CNTNAP3B: variants seen among roughly 807,000 people sequenced by gnomAD.
CNTNAP3B encodes the protein contactin-associated protein-like 3B.
CNTNAP3B carries 25 observed loss-of-function variants against 108.9 expected under a neutral mutation model. The ratio of observed to expected loss-of-function variants is 0.23; its 90% confidence interval spans 0.17 to 0.32. The LOEUF is 0.32. CNTNAP3B is among the 10% of genes least tolerant of loss of function. The pLI, the probability that CNTNAP3B is intolerant of heterozygous loss-of-function variation, is 1.00. For missense variants in CNTNAP3B, 252 were observed against 1,210.4 expected (o/e 0.21, Z 11.75); for synonymous variants, 103 against 473.4 (o/e 0.22, Z 10.16).
chr9:42,070,823 G>A (rs1827360991), intron 3 of CNTNAP3B, among the ~76,000 whole-genome samples: 1 of 151,986 alleles, frequency 6.6e-6, no homozygotes, highest in Non-Finnish European at 1.5e-5. Context: ...TAACAATTAG[G>A]AACAAATACA....
intron 13 of CNTNAP3B, among the ~76,000 whole-genome samples, chr9:41,943,121 G>T (rs1271700716): frequency 1.3e-5 from 2 of 152,288 alleles, no homozygotes; most frequent in Admixed American, 1.3e-4. Context: ...AGAAGAGATA[G>T]GTACTATAAA....
intron 3 of CNTNAP3B, among the ~76,000 whole-genome samples, chr9:42,044,878 C>A (rs1826839863): frequency 8.7e-6 from 1 of 115,324 alleles, no homozygotes; most frequent in South Asian, 2.7e-4. Context: ...CAATATAAAA[C>A]CTTGAGCAAG....
chr9:41,940,796 CAG>C (rs1275823315), intron 13 of CNTNAP3B, among the ~76,000 whole-genome samples: 1 of 152,198 alleles, frequency 6.6e-6, no homozygotes, highest in Non-Finnish European at 1.5e-5. Flanking sequence ...GCCAGGGCGA[CAG>C]AGTGAGACTC....
In CNTNAP3B at chr9:42,104,780, G is replaced by A. The variant is rs1349201101; in HGVS notation, c.86-41C>T. 3.1e-6 allele frequency: 2 copies of A among 650,342 alleles called. 1 individual carries two copies. Among genetic ancestry groups the A allele is most frequent in the East Asian group, 1.2e-4 (2 of 16,602 alleles). 40.3% of individuals were successfully genotyped at this position (650,342 alleles called of 1,614,324 possible). A position where few individuals can be genotyped will look rare whatever the true frequency, so the allele number is the denominator to read the frequency against. On this transcript the variant is annotated intron_variant, in intron 1 of 23. Coordinates refer to ENST00000377561, the MANE Select transcript of CNTNAP3B (RefSeq NM_001201380.3). ...CCGTGATATGGTTAACACTCAGATT[G>A]CAGCTTGGGAGAAATAATAGTCCAA... is the stretch of plus-strand genomic sequence containing the variant.
At chr9:42,112,484 A>G (rs1177423464) in intron 1 of CNTNAP3B, among the ~76,000 whole-genome samples, 1 of 138,966 alleles carries the variant, frequency 7.2e-6, no homozygotes, top group Non-Finnish European at 1.5e-5. Context: ...GGTGAGGAAG[A>G]GAGACTGGCA....
chr9:41,943,455 C>T (rs1824425442), intron 13 of CNTNAP3B, among the ~76,000 whole-genome samples: 1 of 151,718 alleles, frequency 6.6e-6, no homozygotes, highest in Non-Finnish European at 1.5e-5. Flanking sequence ...TGGGTTCACG[C>T]CATTCTCCTG....
intron 11 of CNTNAP3B, among the ~76,000 whole-genome samples, chr9:41,961,971 T>A (rs1346999211): frequency 2.6e-5 from 4 of 152,306 alleles, no homozygotes; most frequent in Non-Finnish European, 4.4e-5. Context: ...TAGGATTCAC[T>A]CAAATTAATA....
At position 42,107,582 on chromosome 9, in the gene CNTNAP3B, G is replaced by A. The variant is rs1397685549; in HGVS notation, c.86-2843C>T. Among the ~76,000 whole-genome samples the A allele has an allele frequency of 1.3e-4, 16 of 122,926 alleles. 1 individual carries two copies. The highest frequency in any genetic ancestry group is 4.2e-4 in the Admixed American group (5 of 11,948). The allele number at this position is 122,926 out of a possible 152,430, so 80.6% of individuals were successfully genotyped here. On this transcript the variant is annotated intron_variant, in intron 1 of 23. Coordinates refer to ENST00000377561, the MANE Select transcript of CNTNAP3B (RefSeq NM_001201380.3). ...CAAAATTGCTGAAATTTTCCATTTC[G>A]CCTTTGGAAAATTCAAGAGTCAATA... is the stretch of plus-strand genomic sequence containing the variant.
At chr9:42,002,511 G>T (rs1275079942) in intron 4 of CNTNAP3B, among the ~76,000 whole-genome samples, 4 of 106,018 alleles carry the variant, frequency 3.8e-5, no homozygotes, top group Non-Finnish European at 5.9e-5. Flanking sequence ...TGCAGATAAA[G>T]AACTTTGTCA....
chr9:41,942,254 T>A (rs1490490401), intron 13 of CNTNAP3B, among the ~76,000 whole-genome samples: 2 of 152,374 alleles, frequency 1.3e-5, no homozygotes, highest in South Asian at 4.1e-4. Flanking sequence ...GGCGGGCAGA[T>A]CATGAGGTCA....
At chr9:41,928,629 C>T (rs1285704499) in intron 15 of CNTNAP3B, among the ~76,000 whole-genome samples, 1 of 152,292 alleles carries the variant, frequency 6.6e-6, no homozygotes, top group African/African-American at 2.4e-5. Context: ...GTAGCCCCCA[C>T]ACATTGAGGT....
intron 18 of CNTNAP3B, among the ~76,000 whole-genome samples, chr9:41,918,138 G>C (rs1406011968): frequency 6.6e-6 from 1 of 150,600 alleles, no homozygotes; most frequent in South Asian, 2.1e-4. Context: ...AGAGTACCAG[G>C]TTTTTTATTT....
chr9:41,965,326 G>A (rs1293961883), intron 10 of CNTNAP3B, among the ~76,000 whole-genome samples: 267 of 151,878 alleles, frequency 1.8e-3, no homozygotes, highest in Middle Eastern at 6.8e-3. Flanking sequence ...AAAAAGAACA[G>A]TTGGAGGTCT....
chr9:42,097,113 T>A (rs893481342), intron 2 of CNTNAP3B, among the ~76,000 whole-genome samples: 1 of 139,600 alleles, frequency 7.2e-6, no homozygotes, highest in Non-Finnish European at 1.5e-5. Context: ...GGATCCAATA[T>A]CTGCTTCTCT....
intron 13 of CNTNAP3B, among the ~76,000 whole-genome samples, chr9:41,942,898 C>A (rs1474194159): frequency 5.3e-5 from 8 of 152,224 alleles, no homozygotes; most frequent in Non-Finnish European, 4.4e-5. Context: ...TAAAACCTTA[C>A]ATTAAAGGCT....
chr9:42,118,637 A>G lies in CNTNAP3B; in HGVS notation c.85+10373T>C, dbSNP rs1388405969. ...GGCACAAGACAGGATGCCCTCTCTC[A>G]CCACTCCTATTCAACATAGTGTTGG... is the stretch of plus-strand genomic sequence containing the variant. On this transcript the variant is annotated intron_variant, in intron 1 of 23. Transcript: ENST00000377561. Among the ~76,000 whole-genome samples, 4 of 114,628 alleles carry G rather than the reference A, an allele frequency of 3.5e-5. 1 individual carries two copies. The highest frequency in any genetic ancestry group is 7.2e-5 in the Non-Finnish European group (4 of 55,238). The allele number at this position is 114,628 out of a possible 152,430, so 75.2% of individuals were successfully genotyped here.
At chr9:41,989,849 G>A (rs556874294) in intron 8 of CNTNAP3B, among the ~76,000 whole-genome samples, 15 of 148,796 alleles carry the variant, frequency 1.0e-4, no homozygotes, top group South Asian at 6.4e-4. Flanking sequence ...GGAGTTTAAC[G>A]TAGGTGCCTG....
intron 1 of CNTNAP3B, among the ~76,000 whole-genome samples, chr9:42,118,588 C>T (rs1448019531): frequency 1.6e-5 from 2 of 124,198 alleles, no homozygotes; most frequent in East Asian, 5.4e-4. Context: ...TGGACAAAAA[C>T]TGGAAGCATT....
rs1244384001 is a variant in CNTNAP3B, at chr9:42,099,816, C to CA, written c.196+4812dup. 4.8e-5 allele frequency among the ~76,000 whole-genome samples: 4 copies of CA among 82,982 alleles called. 1 individual carries two copies. Among genetic ancestry groups the CA allele is most frequent in the African/African-American group, 1.8e-4 (4 of 22,360 alleles). The allele number at this position is 82,982 out of a possible 152,430, so 54.4% of individuals were successfully genotyped here. A position where few individuals can be genotyped will look rare whatever the true frequency, so the allele number is the denominator to read the frequency against. ...CATGAAAACACACGGGTTATCCTTGCAAAAAAGCATATATATTTTTTAATT... is the reference window on the plus strand; with the variant it reads ...CATGAAAACACACGGGTTATCCTTGCAAAAAAAGCATATATATTTTTTAATT... On this transcript the variant is annotated intron_variant, in intron 2 of 23. Coordinates refer to ENST00000377561, the MANE Select transcript of CNTNAP3B (RefSeq NM_001201380.3).
Sources: gnomAD v4.1 joint callset for allele counts (sites outside exome capture counted in the v4.1 genomes callset) on GRCh38, gnomAD v4.1.1 for gene constraint, MANE v1.5 for transcripts, NCBI Gene and HGNC (gene_info 2026-07-23, HGNC 2026-07-21) for gene names.